NR5A2: variants seen among roughly 807,000 people sequenced by gnomAD.
NR5A2 encodes CYP7A promoter-binding factor.
NR5A2 carries 26 observed loss-of-function variants against 62.7 expected under a neutral mutation model. That is an observed-to-expected ratio of 0.41 (90% CI 0.30 to 0.58). The LOEUF (loss-of-function observed/expected upper bound fraction) is 0.58, where lower values mean the gene tolerates loss of function less well. Among genes scored for constraint, NR5A2 ranks in the 20% least tolerant of loss-of-function variants. The pLI is 0.22. For synonymous variants in NR5A2, 246 were observed against 241.7 expected (o/e 1.02, Z -0.16); for missense variants, 541 against 669.1 (o/e 0.81, Z 2.11).
At chr1:200,037,491 G>A (rs775955998) in intron 1 of NR5A2, among the ~76,000 whole-genome samples, 6 of 152,132 alleles carry the variant, frequency 3.9e-5, no homozygotes, top group Non-Finnish European at 5.9e-5. Flanking sequence ...CTTAATTAAG[G>A]CTTTGAAATA....
chr1:200,038,333 C>T (rs1320639043), intron 1 of NR5A2, among the ~76,000 whole-genome samples: 1 of 152,194 alleles, frequency 6.6e-6, no homozygotes, highest in African/African-American at 2.4e-5. Flanking sequence ...ATCTTGGGCT[C>T]CAGTCGAGGG....
chr1:200,151,407 A>G (rs1653108897), intron 7 of NR5A2, among the ~76,000 whole-genome samples: 1 of 152,190 alleles, frequency 6.6e-6, no homozygotes, highest in East Asian at 1.9e-4. Flanking sequence ...CTATTGATGT[A>G]TCAACTATAA....
At chr1:200,029,247 G>A (rs112996722) in intron 1 of NR5A2, 7 of 201,880 alleles carry the variant, frequency 3.5e-5, no homozygotes, top group Non-Finnish European at 6.8e-5. Context: ...TCGGGGGCTC[G>A]CGCCCGCGCG....
intron 5 of NR5A2, among the ~76,000 whole-genome samples, chr1:200,075,901 T>C (rs9427446): frequency 1.6e-5 from 1 of 63,534 alleles, no homozygotes; most frequent in Non-Finnish European, 3.4e-5. Flanking sequence ...CTTTTCTTTT[T>C]TTTTTGTTAA....
chr1:200,165,151 A>G (rs1361861781), intron 7 of NR5A2, among the ~76,000 whole-genome samples: 1 of 152,074 alleles, frequency 6.6e-6, no homozygotes, highest in Admixed American at 6.5e-5. Context: ...TGCTGGGATT[A>G]CAGGCGTGAA....
Position 200,039,702 on chromosome 1 carries a change from G to C in NR5A2, c.109G>C (p.Gly37Arg). The stretch of plus-strand genomic sequence containing the variant: ...ACACGGATCCCCCATCCCCGCCCGC[G>C]GTCGCCTTGTCATGCTGCCCAAAGT... ...DRHGSPIPAR[G>R]RLVMLPKVET... The change falls in exon 2 of 8, where the codon GGT becomes CGT. Residue 37 changes from glycine to arginine, a missense_variant. Coordinates refer to ENST00000367362, the MANE Select transcript of NR5A2 (RefSeq NM_205860.3). This position sits in a 1 kb window ranked among gnomAD's most constrained non-coding sequence, Gnocchi z 5.1. The C allele has an allele frequency of 6.2e-7, 1 of 1,611,158 alleles. No individual in the cohort carries two copies. Among genetic ancestry groups the C allele is most frequent in the Non-Finnish European group, 8.5e-7 (1 of 1,178,748 alleles).
intron 7 of NR5A2, among the ~76,000 whole-genome samples, chr1:200,146,507 A>C (rs900170486): frequency 1.3e-5 from 2 of 152,252 alleles, no homozygotes; most frequent in Admixed American, 6.5e-5. Flanking sequence ...GGAATTCTTT[A>C]TCTCTGTCCT....
In NR5A2 at chr1:200,098,710, C is replaced by T. The variant is rs565893065; in HGVS notation, c.1111-12492C>T. Among the ~76,000 whole-genome samples, 42 of 152,272 alleles carry T rather than the reference C, an allele frequency of 2.8e-4. 1 individual carries two copies. The highest frequency in any genetic ancestry group is 1.2e-3 in the South Asian group (6 of 4,826). On this transcript the variant is annotated intron_variant, in intron 5 of 7. Coordinates refer to ENST00000367362, the MANE Select transcript of NR5A2 (RefSeq NM_205860.3). ...ATTGATTCAGCAAATATTAATTAAG[C>T]ACCTGCGGTGAGCCTAGTACCAGGG...
intron 7 of NR5A2, among the ~76,000 whole-genome samples, chr1:200,155,728 C>A (rs56257035): frequency 0.086 from 12,996 of 151,528 alleles, 675 homozygotes; most frequent in Non-Finnish European, 0.12. Flanking sequence ...GGCTGGAGTG[C>A]AATGGTGCGA....
Position 200,048,463 on chromosome 1 carries a change from A to G in NR5A2, c.755A>G (p.His252Arg). The stretch of plus-strand genomic sequence containing the variant: ...CCCATTAGCATGACAATGCCCCCTC[A>G]CGGCAGCCTGCAAGGTTACCAAACA... ...TSPISMTMPPHGSLQGYQTYG... is the reference protein window; with the variant it reads ...TSPISMTMPPRGSLQGYQTYG... Residue 252 changes from histidine (H) to arginine (R), a missense_variant, in exon 5 of 8, where the codon CAC becomes CGC. This residue lies in a region of NR5A2 where 379 missense variants were observed against 442.0 expected (regional missense o/e 0.86). Coordinates refer to ENST00000367362, the MANE Select transcript of NR5A2 (RefSeq NM_205860.3). The surrounding 1 kb of genome is among the most constrained non-coding windows in gnomAD (Gnocchi z 4.8). 6.2e-7 allele frequency: 1 copy of G among 1,614,058 alleles called. No individual in the cohort carries two copies. The highest frequency in any genetic ancestry group is 1.3e-5 in the African/African-American group (1 of 75,016).
intron 7 of NR5A2, among the ~76,000 whole-genome samples, chr1:200,123,311 G>C (rs1666558422): frequency 6.6e-6 from 1 of 152,214 alleles, no homozygotes; most frequent in African/African-American, 2.4e-5. Flanking sequence ...GTGGGATGTG[G>C]TCCCAAGCGG....
chr1:200,051,039 GAGT>G (rs1662606004), intron 5 of NR5A2, among the ~76,000 whole-genome samples: 1 of 152,180 alleles, frequency 6.6e-6, no homozygotes, highest in South Asian at 2.1e-4. Context: ...ATGTGTTATA[GAGT>G]AGTATGATTT....
At chr1:200,085,853 G>A (rs1277627955) in intron 5 of NR5A2, among the ~76,000 whole-genome samples, 1 of 152,178 alleles carries the variant, frequency 6.6e-6, no homozygotes, top group Admixed American at 6.5e-5. Context: ...AGAAACATCT[G>A]CAAAAGACCG....
intron 5 of NR5A2, among the ~76,000 whole-genome samples, chr1:200,086,136 G>A (rs943827630): frequency 9.9e-5 from 15 of 152,112 alleles, no homozygotes; most frequent in African/African-American, 3.6e-4. Flanking sequence ...TTGAGTTAGG[G>A]TGGAGAAAAT....
chr1:200,094,135 C>T (rs971448145), intron 5 of NR5A2, among the ~76,000 whole-genome samples: 4 of 151,588 alleles, frequency 2.6e-5, no homozygotes, highest in South Asian at 2.1e-4. Context: ...CGCCACTGCA[C>T]TCCAGCCTGG....
intron 5 of NR5A2, among the ~76,000 whole-genome samples, chr1:200,090,660 A>C (rs1558131723): frequency 6.6e-6 from 1 of 152,214 alleles, no homozygotes; most frequent in Non-Finnish European, 1.5e-5. Flanking sequence ...CAAATCAGTA[A>C]GTAAGATCAG....
intron 1 of NR5A2, chr1:200,038,694 C>G (rs926702145): frequency 7.3e-7 from 1 of 1,366,238 alleles, no homozygotes; most frequent in Non-Finnish European, 9.8e-7. Context: ...TTCTTGCTTC[C>G]CCTCAGATCG....
chr1:200,045,820 T>G (rs1371076290), intron 4 of NR5A2, among the ~76,000 whole-genome samples: 2 of 151,996 alleles, frequency 1.3e-5, no homozygotes, highest in East Asian at 3.9e-4. Flanking sequence ...CCCACCCCCT[T>G]TTTTTTAGTC....
intron 5 of NR5A2, among the ~76,000 whole-genome samples, chr1:200,067,564 A>G (rs989972191): frequency 6.6e-6 from 1 of 152,116 alleles, no homozygotes; most frequent in African/African-American, 2.4e-5. Flanking sequence ...CTCAAAGAAG[A>G]AGTGGGAGCT....
Sources: allele counts gnomAD v4.1 joint callset (sites outside exome capture counted in the v4.1 genomes callset), GRCh38; gene constraint gnomAD v4.1.1; regional missense constraint gnomAD v4.1.1; non-coding constraint Gnocchi (gnomAD v3.1); transcripts MANE v1.5; gene names NCBI Gene and HGNC (gene_info 2026-07-23, HGNC 2026-07-21).